The following ZFHX3 variants were observed in gnomAD, a reference collection of about 807,000 sequenced individuals.
The protein encoded by ZFHX3 is zinc finger homeobox 3.
Under a neutral mutation model 279.1 loss-of-function variants are expected in ZFHX3, and 42 were observed. The observed-to-expected ratio is 0.15, with a 90% CI of 0.12 to 0.19. The LOEUF is 0.19. Ranked by LOEUF, ZFHX3 falls within the 10% of genes least tolerant of loss-of-function variation. The pLI is 1.00. For synonymous variants in ZFHX3, 2,293 were observed against 1,957.8 expected (o/e 1.17, Z -4.52); for missense variants, 4,981 against 4,754.0 (o/e 1.05, Z -1.40).
At chr16:73,560,059 A>G (rs528452138) in intron 2 of ZFHX3, among the ~76,000 whole-genome samples, 11 of 151,814 alleles carry the variant, frequency 7.2e-5, no homozygotes, top group Admixed American at 1.3e-4. Flanking sequence ...CTGAGGGGGG[A>G]AAAAAAACCC....
chr16:73,457,230 A>G (rs1174558223), intron 2 of ZFHX3, among the ~76,000 whole-genome samples: 1 of 152,150 alleles, frequency 6.6e-6, no homozygotes, highest in Non-Finnish European at 1.5e-5. Flanking sequence ...CTCTCTGGAA[A>G]CCATCCTGGT....
intron 3 of ZFHX3, among the ~76,000 whole-genome samples, chr16:73,416,122 C>CAAAAA (rs1234376040): frequency 2.7e-5 from 2 of 74,838 alleles, no homozygotes; most frequent in Non-Finnish European, 3.3e-5. Flanking sequence ...GACTCCATCT[C>CAAAAA]AAAAAAAAAA....
intron 1 of ZFHX3, among the ~76,000 whole-genome samples, chr16:73,697,716 A>G (rs902896414): frequency 6.6e-6 from 1 of 151,862 alleles, no homozygotes; most frequent in African/African-American, 2.4e-5. Flanking sequence ...CTACCTACTA[A>G]TTGTCTTCTT....
At chr16:73,001,007 C>T (rs34416434) in intron 1 of ZFHX3, among the ~76,000 whole-genome samples, 6,328 of 152,318 alleles carry the variant, frequency 0.042, 178 homozygotes, top group East Asian at 0.098. Flanking sequence ...GGCATTCACA[C>T]CCTTGTGTAG....
At chr16:73,682,934 GAA>G (rs371009624) in intron 1 of ZFHX3, among the ~76,000 whole-genome samples, 1,067 of 19,282 alleles carry the variant, frequency 0.055, 78 homozygotes, top group Middle Eastern at 0.088. Context: ...GAGAAAGAAA[GAA>G]AGAAAGAAAG....
chr16:73,295,192 G>C (rs1411556171), intron 4 of ZFHX3, among the ~76,000 whole-genome samples: 2 of 152,004 alleles, frequency 1.3e-5, no homozygotes, highest in Non-Finnish European at 2.9e-5. Flanking sequence ...TCCAGCCTGG[G>C]GGACAGAGCA....
At chr16:73,521,197 A>T (rs1181387623) in intron 2 of ZFHX3, among the ~76,000 whole-genome samples, 1 of 152,160 alleles carries the variant, frequency 6.6e-6, no homozygotes, top group Non-Finnish European at 1.5e-5. Context: ...GGTTACCCCT[A>T]TGTAGCAGAT....
At chr16:73,644,339 C>T (rs2052599217) in intron 2 of ZFHX3, among the ~76,000 whole-genome samples, 1 of 151,986 alleles carries the variant, frequency 6.6e-6, no homozygotes, top group Non-Finnish European at 1.5e-5. Flanking sequence ...ATTTCCTTTC[C>T]ATTCTCTAAC....
chr16:73,716,895 T>A (rs2053421646), intron 1 of ZFHX3, among the ~76,000 whole-genome samples: 1 of 151,964 alleles, frequency 6.6e-6, no homozygotes, highest in Non-Finnish European at 1.5e-5. Flanking sequence ...TGAAGCCCCG[T>A]CATTATTTTT....
intron 3 of ZFHX3, among the ~76,000 whole-genome samples, chr16:73,399,807 T>TGA (rs959263155): frequency 9.5e-5 from 14 of 147,858 alleles, no homozygotes; most frequent in African/African-American, 3.5e-4. Context: ...GTGGAAAGAG[T>TGA]GTGTGTGTGG....
chr16:73,766,388 G>A (rs2053943975), intron 1 of ZFHX3, among the ~76,000 whole-genome samples: 2 of 152,082 alleles, frequency 1.3e-5, no homozygotes, highest in Non-Finnish European at 1.5e-5. Flanking sequence ...CATCTCTCTT[G>A]GGTCTTTTAG....
chr16:73,785,577 C>T (rs188866204), intron 1 of ZFHX3, among the ~76,000 whole-genome samples: 1 of 152,304 alleles, frequency 6.6e-6, no homozygotes, highest in East Asian at 1.9e-4. Context: ...TCCCTGAATA[C>T]TCATGAGTTC....
intron 1 of ZFHX3, among the ~76,000 whole-genome samples, chr16:73,759,592 TA>T (rs966923749): frequency 3.3e-5 from 5 of 152,124 alleles, no homozygotes; most frequent in Non-Finnish European, 5.9e-5. Flanking sequence ...GAGGCAGAAA[TA>T]GAAACTATTT....
chr16:73,381,717 T>C (rs1274541290), intron 3 of ZFHX3, among the ~76,000 whole-genome samples: 5 of 152,202 alleles, frequency 3.3e-5, no homozygotes, highest in Non-Finnish European at 7.3e-5. Flanking sequence ...AAGAATTGTC[T>C]TGGGCCACAC....
chr16:72,994,442 C>T (rs775693824), intron 1 of ZFHX3, among the ~76,000 whole-genome samples: 56 of 152,202 alleles, frequency 3.7e-4, no homozygotes, highest in African/African-American at 1.3e-3. Context: ...CCAAGACTTT[C>T]TGGACCAGCT....
At chr16:73,403,685 T>G (rs1471200306) in intron 3 of ZFHX3, among the ~76,000 whole-genome samples, 2 of 152,176 alleles carry the variant, frequency 1.3e-5, no homozygotes, top group Non-Finnish European at 2.9e-5. Flanking sequence ...TGGAGGGAGC[T>G]GAGCACTGAA....
chr16:73,067,048 G>A lies in ZFHX3; in HGVS notation c.-532-8036C>T, dbSNP rs865816737. Among the ~76,000 whole-genome samples, 16 of 152,124 alleles carry A rather than the reference G, an allele frequency of 1.1e-4. No individual in the cohort carries two copies. The East Asian group carries it at 3.1e-3, about 30-fold the overall frequency. ...CAAGAGCTGGGAGTGGAGAACCCCC[G>A]GGGCCCTGCTCGCCTCCAAGGCAGA... On this transcript the variant is annotated intron_variant, in intron 8 of 17. Coordinates refer to the ZFHX3 transcript ENST00000641206.
At chr16:73,823,056 T>G (rs1960794124) in intron 1 of ZFHX3, among the ~76,000 whole-genome samples, 1 of 152,158 alleles carries the variant, frequency 6.6e-6, no homozygotes, top group Non-Finnish European at 1.5e-5. Context: ...TTATGGAGCT[T>G]AGAGACCAGT....
At chr16:73,056,276 A>G (rs929870080) in intron 1 of ZFHX3, among the ~76,000 whole-genome samples, 1 of 152,132 alleles carries the variant, frequency 6.6e-6, no homozygotes, top group African/African-American at 2.4e-5. Context: ...TCTGTATTCT[A>G]TCTCTCTTCT....
Sources: allele counts gnomAD v4.1 joint callset (sites outside exome capture counted in the v4.1 genomes callset), GRCh38; gene constraint gnomAD v4.1.1; transcripts MANE v1.5; gene names NCBI Gene and HGNC (gene_info 2026-07-23, HGNC 2026-07-21).